The following SLC17A8 variants were observed in gnomAD, a reference collection of about 807,000 sequenced individuals.
SLC17A8 encodes the protein vesicular glutamate transporter 3.
A neutral mutation model predicts 58.0 loss-of-function variants in SLC17A8; 31 were observed. The ratio of observed to expected loss-of-function variants is 0.53; its 90% CI spans 0.40 to 0.72. The LOEUF is 0.72. Ranked by LOEUF, SLC17A8 falls within the 30% of genes least tolerant of loss-of-function variation. The probability of loss-of-function intolerance (pLI) is 0.00; values close to 1 mark genes in which losing one functional copy is unlikely to be tolerated. For missense variants in SLC17A8, 655 were observed against 727.8 expected, an observed-to-expected ratio of 0.90 and a Z score of 1.15; for synonymous variants, 228 against 249.0, an observed-to-expected ratio of 0.92 and a Z score of 0.79.
intron 1 of SLC17A8, among the ~76,000 whole-genome samples, chr12:100,367,837 A>T (rs952196933): frequency 3.3e-5 from 5 of 152,182 alleles, no homozygotes; most frequent in Non-Finnish European, 1.5e-5. Flanking sequence ...ACAGGCGTGA[A>T]CCCCTGTGCC....
At chr12:100,418,298 T>C in intron 11 of SLC17A8, 142 bp downstream of exon 11, 3 of 988,362 alleles carry the variant, frequency 3.0e-6, no homozygotes, top group East Asian at 4.9e-5. Flanking sequence ...CTTTTTTTTT[T>C]CTTCCTTCTT....
chr12:100,380,380 T>C, intron 1 of SLC17A8, among the ~76,000 whole-genome samples: 1 of 151,968 alleles, frequency 6.6e-6, no homozygotes, highest in Admixed American at 6.6e-5. Context: ...AGTTTCCTCA[T>C]CTATAAAATG....
intron 2 of SLC17A8, among the ~76,000 whole-genome samples, chr12:100,381,234 T>C (rs1373569967): frequency 2.6e-5 from 4 of 152,152 alleles, no homozygotes; most frequent in Non-Finnish European, 5.9e-5. Flanking sequence ...ACTTTGCTCC[T>C]TGAGAGAAAG....
chr12:100,394,116 T>G lies in SLC17A8; in HGVS notation c.588+633T>G, dbSNP rs1184206542. ...CTTTTGATTTTTTTTCTCACCATTT[T>G]AAAATGTAAAAAACATTCTTAGCTT... On this transcript the variant is annotated intron_variant, in intron 4 of 11. Coordinates refer to ENST00000323346, the MANE Select transcript of SLC17A8 (RefSeq NM_139319.3). Among the ~76,000 whole-genome samples the G allele has an allele frequency of 2.6e-5, 4 of 152,336 alleles. No individual in the cohort carries two copies. In the East Asian group the frequency reaches 7.7e-4, roughly 29 times the overall value.
intron 1 of SLC17A8, among the ~76,000 whole-genome samples, chr12:100,365,213 G>A (rs931624663): frequency 1.5e-4 from 23 of 152,224 alleles, no homozygotes; most frequent in African/African-American, 5.1e-4. Context: ...ATATTCCATG[G>A]TCAGATGCTG....
chr12:100,363,533 A>C (rs967497324), intron 1 of SLC17A8, among the ~76,000 whole-genome samples: 1 of 152,000 alleles, frequency 6.6e-6, no homozygotes, highest in Non-Finnish European at 1.5e-5. Flanking sequence ...TGCCCGGCTA[A>C]TTTTGTATTT....
chr12:100,420,700 G>C lies in SLC17A8; in HGVS notation c.*541G>C, dbSNP rs1231058954. 2 of 160,644 alleles carry C rather than the reference G, an allele frequency of 1.2e-5. No individual in the cohort carries two copies. Among genetic ancestry groups the C allele is most frequent in the Non-Finnish European group, 2.8e-5 (2 of 72,488 alleles). The allele number at this position is 160,644 out of a possible 1,614,324, so 10.0% of individuals were successfully genotyped here. On this transcript the variant is annotated 3_prime_UTR_variant, in exon 12 of 12. Coordinates refer to ENST00000323346, the MANE Select transcript of SLC17A8 (RefSeq NM_139319.3). ...AGCAACAAGAAATGAACTTGCCCAA[G>C]GTCATCTGCCAGGGTCAGTGCTGAG...
In SLC17A8 at chr12:100,387,663, TG is replaced by T. The variant is rs964585275; in HGVS notation, c.355-3335del. Among the ~76,000 whole-genome samples, 53 of 152,202 alleles carry T rather than the reference TG, an allele frequency of 3.5e-4. 1 individual carries two copies. Among genetic ancestry groups the T allele is most frequent in the Admixed American group, 5.2e-4 (8 of 15,276 alleles). On this transcript the variant is annotated intron_variant, in intron 2 of 11. Transcript: ENST00000323346. ...GGATCCTCAGGTAATTCTGTGGATCTGGGCAAAGAAGTCTTGTCTCTCCTTA... is the reference window on the plus strand; with the variant it reads ...GGATCCTCAGGTAATTCTGTGGATCTGGCAAAGAAGTCTTGTCTCTCCTTA...
chr12:100,359,732 C>T (rs1445706146), intron 1 of SLC17A8, among the ~76,000 whole-genome samples: 2 of 152,180 alleles, frequency 1.3e-5, no homozygotes, highest in Admixed American at 6.5e-5. Context: ...AGCTCTGCCA[C>T]GTGTTTGGCA....
At chr12:100,409,603 T>G (rs1241624886) in intron 9 of SLC17A8, among the ~76,000 whole-genome samples, 1 of 152,152 alleles carries the variant, frequency 6.6e-6, no homozygotes, top group African/African-American at 2.4e-5. Flanking sequence ...AAAAGTTCTA[T>G]AAAATGATGA....
intron 10 of SLC17A8, among the ~76,000 whole-genome samples, chr12:100,413,289 C>A (rs1952883457): frequency 6.6e-6 from 1 of 152,124 alleles, no homozygotes; most frequent in Non-Finnish European, 1.5e-5. Context: ...GTCATAGGAT[C>A]AGAAGTTTTT....
At chr12:100,363,113 C>A (rs148912492) in intron 1 of SLC17A8, among the ~76,000 whole-genome samples, 2 of 152,112 alleles carry the variant, frequency 1.3e-5, no homozygotes, top group African/African-American at 4.8e-5. Flanking sequence ...GGTCTTGGCA[C>A]GAGGACCCCA....
chr12:100,401,248 C>T (rs988181527), intron 5 of SLC17A8, among the ~76,000 whole-genome samples: 5 of 151,838 alleles, frequency 3.3e-5, no homozygotes, highest in African/African-American at 1.2e-4. Flanking sequence ...ATCTGTCCAC[C>T]TCAGCCTCCC....
At position 100,401,045 on chromosome 12, in the gene SLC17A8, T is replaced by A. The variant is rs956442387; in HGVS notation, c.677-732T>A. Among the ~76,000 whole-genome samples the A allele has an allele frequency of 4.3e-5, 6 of 140,236 alleles. No homozygotes were observed. The South Asian group carries it at 1.4e-3, about 33-fold the overall frequency. The allele number at this position is 140,236 out of a possible 152,430, so 92.0% of individuals were successfully genotyped here. On this transcript the variant is annotated intron_variant, in intron 5 of 11. Transcript: ENST00000323346. ...GATACAGTCACTCTGTCACCCAGGC[T>A]GGAGTGCAGTGGTGAGATCTTGGCT...
intron 4 of SLC17A8, among the ~76,000 whole-genome samples, chr12:100,394,056 C>T (rs921570070): frequency 6.6e-6 from 1 of 152,200 alleles, no homozygotes; most frequent in African/African-American, 2.4e-5. Flanking sequence ...ATTTGAACTT[C>T]ATATGATTGT....
intron 1 of SLC17A8, among the ~76,000 whole-genome samples, chr12:100,358,766 G>A (rs1265959684): frequency 6.6e-6 from 1 of 152,048 alleles, no homozygotes; most frequent in African/African-American, 2.4e-5. Context: ...GATTAGAAAC[G>A]CAAAAATAAT....
chr12:100,363,130 C>T (rs1282342026), intron 1 of SLC17A8, among the ~76,000 whole-genome samples: 1 of 152,202 alleles, frequency 6.6e-6, no homozygotes, highest in Non-Finnish European at 1.5e-5. Flanking sequence ...CCCAAAGTGA[C>T]TGAGCAGCAG....
chr12:100,413,766 A>G (rs1314279195), intron 10 of SLC17A8, among the ~76,000 whole-genome samples: 2 of 152,202 alleles, frequency 1.3e-5, no homozygotes, highest in African/African-American at 4.8e-5. Flanking sequence ...ACTTGAGCCC[A>G]GGAGTTCAAG....
At chr12:100,373,432 G>A (rs1412430447) in intron 1 of SLC17A8, among the ~76,000 whole-genome samples, 3 of 152,036 alleles carry the variant, frequency 2.0e-5, no homozygotes, top group Non-Finnish European at 4.4e-5. Flanking sequence ...CAGGAGTGAT[G>A]TCTGGAATTG....
Sources: gnomAD v4.1 joint callset for allele counts (sites outside exome capture counted in the v4.1 genomes callset) on GRCh38, gnomAD v4.1.1 for gene constraint, MANE v1.5 for transcripts, NCBI Gene and HGNC (gene_info 2026-07-23, HGNC 2026-07-21) for gene names.